CTNNA3: variants seen among roughly 807,000 people sequenced by gnomAD.
CTNNA3 encodes the protein catenin alpha 3, also known as catenin alpha-3.
CTNNA3 carries 76 observed loss-of-function variants against 95.7 expected under a neutral mutation model. The observed-to-expected ratio is 0.79, with a 90% CI of 0.66 to 0.96. CTNNA3 has a LOEUF of 0.96. Among genes scored for constraint, CTNNA3 ranks in the 40% least tolerant of loss-of-function variants. The probability of loss-of-function intolerance (pLI) is 0.00; values close to 1 mark genes in which losing one functional copy is unlikely to be tolerated. For missense variants in CTNNA3, 1,191 were observed against 1,089.8 expected (o/e 1.09, Z -1.31); for synonymous variants, 431 against 374.4 (o/e 1.15, Z -1.74).
chr10:66,420,850 T>C (rs549891608), intron 11 of CTNNA3, among the ~76,000 whole-genome samples: 7 of 149,086 alleles, frequency 4.7e-5, no homozygotes, highest in East Asian at 4.0e-4. Flanking sequence ...AAAAACAATA[T>C]GGAGATTTCT....
intron 7 of CTNNA3, among the ~76,000 whole-genome samples, chr10:67,018,697 C>T (rs529751530): frequency 6.6e-6 from 1 of 152,314 alleles, no homozygotes; most frequent in East Asian, 1.9e-4. Context: ...CTCTCTGTGC[C>T]TCAGTTTCCT....
At chr10:67,223,104 A>G (rs1402819911) in intron 5 of CTNNA3, among the ~76,000 whole-genome samples, 1 of 152,250 alleles carries the variant, frequency 6.6e-6, no homozygotes, top group Non-Finnish European at 1.5e-5. Context: ...ATCAGTGAAC[A>G]TAACAAATAT....
chr10:65,947,269 A>G (rs1381460690), intron 17 of CTNNA3, among the ~76,000 whole-genome samples: 1 of 152,164 alleles, frequency 6.6e-6, no homozygotes, highest in Admixed American at 6.5e-5. Flanking sequence ...AGCTTACTAA[A>G]GGCACGGCAT....
intron 5 of CTNNA3, among the ~76,000 whole-genome samples, chr10:67,342,099 CTTTTTTTTTTTT>C (rs764381058): frequency 9.6e-5 from 8 of 83,682 alleles, no homozygotes; most frequent in African/African-American, 1.8e-4. Flanking sequence ...TATTTTTCTT[CTTTTTTTTTTTT>C]TTTTTTTTTA....
intron 9 of CTNNA3, among the ~76,000 whole-genome samples, chr10:66,756,104 G>C (rs1201062220): frequency 6.6e-6 from 1 of 152,060 alleles, no homozygotes; most frequent in Non-Finnish European, 1.5e-5. Flanking sequence ...CATATTGCTA[G>C]CTAAGAAAAA....
chr10:67,475,921 T>C (rs1315434882), intron 5 of CTNNA3, among the ~76,000 whole-genome samples: 3 of 152,204 alleles, frequency 2.0e-5, no homozygotes, highest in Non-Finnish European at 4.4e-5. Context: ...AAAATTAGTC[T>C]AGTAATCATA....
intron 3 of CTNNA3, among the ~76,000 whole-genome samples, chr10:67,584,323 T>A (rs940858706): frequency 6.6e-6 from 1 of 152,246 alleles, no homozygotes; most frequent in Non-Finnish European, 1.5e-5. Context: ...TGGACTTTGC[T>A]GGAGGTCCAC....
chr10:67,130,961 AT>A (rs1298115449), intron 7 of CTNNA3, among the ~76,000 whole-genome samples: 2 of 152,142 alleles, frequency 1.3e-5, no homozygotes, highest in Non-Finnish European at 2.9e-5. Context: ...TGAATCAAGG[AT>A]GGCACAAAGA....
At chr10:66,374,900 C>A (rs1349931603) in intron 12 of CTNNA3, among the ~76,000 whole-genome samples, 2 of 151,932 alleles carry the variant, frequency 1.3e-5, no homozygotes, top group Non-Finnish European at 2.9e-5. Context: ...CAGGTGTGAG[C>A]CACCACACCC....
chr10:66,289,791 C>T (rs747153291), intron 12 of CTNNA3, among the ~76,000 whole-genome samples: 7 of 151,992 alleles, frequency 4.6e-5, no homozygotes, highest in Admixed American at 6.6e-5. Flanking sequence ...CCATGCTAAG[C>T]ATGTTTAAAG....
intron 14 of CTNNA3, among the ~76,000 whole-genome samples, chr10:66,075,537 C>T (rs2080533948): frequency 6.6e-6 from 1 of 151,800 alleles, no homozygotes; most frequent in Non-Finnish European, 1.5e-5. Context: ...GCCTCCAAGA[C>T]TTTCCACAAA....
intron 9 of CTNNA3, among the ~76,000 whole-genome samples, chr10:66,713,428 G>C (rs994145813): frequency 2.0e-5 from 3 of 152,028 alleles, no homozygotes; most frequent in African/African-American, 7.2e-5. Flanking sequence ...GTTCCTGGCA[G>C]GCCTTTTTTT....
At chr10:67,334,194 T>A in intron 5 of CTNNA3, 1 of 156,784 alleles carries the variant, frequency 6.4e-6, no homozygotes, top group Non-Finnish European at 1.4e-5. Flanking sequence ...GCCAACAAGG[T>A]GGTGAATCCC....
intron 5 of CTNNA3, among the ~76,000 whole-genome samples, chr10:67,316,231 A>G (rs1361350183): frequency 6.6e-6 from 1 of 152,154 alleles, no homozygotes; most frequent in Non-Finnish European, 1.5e-5. Context: ...ACATCTAGCT[A>G]TATTTTGCTC....
intron 14 of CTNNA3, among the ~76,000 whole-genome samples, chr10:66,086,882 G>A (rs73310148): frequency 0.023 from 3,474 of 152,196 alleles, 135 homozygotes; most frequent in African/African-American, 0.08. Flanking sequence ...GAGGGTGAAA[G>A]AGTTCTTGGT....
chr10:66,040,086 A>C (rs1445486353), intron 15 of CTNNA3, among the ~76,000 whole-genome samples: 1 of 152,236 alleles, frequency 6.6e-6, no homozygotes, highest in Non-Finnish European at 1.5e-5. Flanking sequence ...ACACTTTTCC[A>C]AACAAGACAT....
chr10:67,553,148 G>A lies in CTNNA3; in HGVS notation c.293-13479C>T, dbSNP rs79111528. 5.5e-3 allele frequency among the ~76,000 whole-genome samples: 840 copies of A among 152,214 alleles called. 7 individuals carry two copies. Among genetic ancestry groups the A allele is most frequent in the African/African-American group, 0.019 (796 of 41,536 alleles). ...ATGGAATGTGTGTGTGATAAAAACA[G>A]TTTTGCTGTAAAGAACATGCTCTTC... On this transcript the variant is annotated intron_variant, in intron 3 of 17. Coordinates refer to ENST00000433211, the MANE Select transcript of CTNNA3 (RefSeq NM_013266.4).
At chr10:66,077,054 G>A (rs909036356) in intron 14 of CTNNA3, among the ~76,000 whole-genome samples, 1 of 151,736 alleles carries the variant, frequency 6.6e-6, no homozygotes, top group African/African-American at 2.4e-5. Context: ...GAGTATTAAG[G>A]AAAATTAAGA....
intron 7 of CTNNA3, among the ~76,000 whole-genome samples, chr10:66,961,113 T>C (rs900063083): frequency 2.0e-5 from 3 of 152,208 alleles, no homozygotes. Context: ...CAAGGTCTTC[T>C]AGCAAGTCTA....
Sources: allele counts gnomAD v4.1 joint callset (sites outside exome capture counted in the v4.1 genomes callset), GRCh38; gene constraint gnomAD v4.1.1; transcripts MANE v1.5; gene names NCBI Gene and HGNC (gene_info 2026-07-23, HGNC 2026-07-21).